Variants in MTMR3 observed in about 807,000 individuals in gnomAD.
MTMR3 encodes the protein myotubularin related protein 3, also known as phosphatidylinositol-3,5-bisphosphate 3-phosphatase MTMR3.
A neutral mutation model predicts 132.4 loss-of-function variants in MTMR3; 32 were observed. The ratio of observed to expected loss-of-function variants is 0.24; its 90% CI spans 0.18 to 0.32. The LOEUF is 0.32. MTMR3 is among the 10% of genes least tolerant of loss of function. The pLI is 1.00. For synonymous variants in MTMR3, 556 were observed against 550.3 expected, an observed-to-expected ratio of 1.01 and a Z score of -0.14; for missense variants, 1,216 against 1,489.6, an observed-to-expected ratio of 0.82 and a Z score of 3.02.
chr22:29,921,591 A>G (rs1324806222), intron 1 of MTMR3, among the ~76,000 whole-genome samples: 1 of 152,070 alleles, frequency 6.6e-6, no homozygotes, highest in Non-Finnish European at 1.5e-5. Context: ...ATACTTTCAT[A>G]TTTGTTGTGC....
chr22:29,969,964 C>T (rs2066500822), intron 2 of MTMR3, among the ~76,000 whole-genome samples: 1 of 152,188 alleles, frequency 6.6e-6, no homozygotes, highest in Admixed American at 6.5e-5. Context: ...TTTTATGCTG[C>T]ACATTGAAGC....
intron 2 of MTMR3, among the ~76,000 whole-genome samples, chr22:29,959,301 A>G (rs746587028): frequency 6.6e-6 from 1 of 152,150 alleles, no homozygotes; most frequent in African/African-American, 2.4e-5. Context: ...TAGGAATCTT[A>G]ATCTTCATTT....
At position 30,007,332 on chromosome 22, in the gene MTMR3, CTGGACCCA is replaced by C; in HGVS notation, c.877+17_877+24del. The C allele has an allele frequency of 6.2e-7, 1 of 1,611,934 alleles. No individual in the cohort carries two copies. Among genetic ancestry groups the C allele is most frequent in the Non-Finnish European group, 8.5e-7 (1 of 1,178,290 alleles). On this transcript the variant is annotated intron_variant, in intron 10 of 19. Transcript: ENST00000401950. Reference sequence around the variant, plus strand: ...GACGTGGAGTTCGGTAAGGTGCTCCCTGGACCCATGGCAATGATTTTTATAGCATCTAA... The same window carrying C: ...GACGTGGAGTTCGGTAAGGTGCTCCCTGGCAATGATTTTTATAGCATCTAA...
chr22:30,007,784 G>T, intron 10 of MTMR3, 117 bp from the exon 11 acceptor site: 1 of 1,236,226 alleles, frequency 8.1e-7, no homozygotes, highest in East Asian at 2.4e-5. Context: ...GTTTTGGTTA[G>T]GGGATTTCAT....
chr22:30,016,453 G>A, intron 14 of MTMR3, 75 bp from the exon 15 acceptor site: 1 of 1,509,256 alleles, frequency 6.6e-7, no homozygotes, highest in East Asian at 2.3e-5. Context: ...GTTAGGATAA[G>A]GTGGCTCAGC....
At chr22:29,991,256 AT>A in intron 6 of MTMR3, 1 of 295,630 alleles carries the variant, frequency 3.4e-6, no homozygotes, top group Non-Finnish European at 6.2e-6. Context: ...CTTAGAAGAG[AT>A]TTCATTAGTC....
Position 30,007,909 on chromosome 22 carries a change from C to T in MTMR3, c.886C>T (p.Leu296=), listed in dbSNP as rs373865530. The T allele has an allele frequency of 1.1e-4, 179 of 1,613,586 alleles. 1 individual carries two copies. Among genetic ancestry groups the T allele is most frequent in the Non-Finnish European group, 1.4e-4 (164 of 1,179,984 alleles). ...TCCCTCTGTGTCCCTAGATTCTTCT[C>T]TGTCAAATGCTTCAGGAGCAGAGAG... is the stretch of plus-strand genomic sequence containing the variant. The part of the protein sequence containing the change: ...DLSDVEFDSS[L]SNASGAESLA... The change falls in exon 11 of 20, where the codon CTG becomes TTG. Residue 296 remains leucine, a synonymous_variant. Transcript: ENST00000401950.
intron 1 of MTMR3, among the ~76,000 whole-genome samples, chr22:29,931,681 G>C (rs528806029): frequency 6.6e-6 from 1 of 152,140 alleles, no homozygotes; most frequent in East Asian, 1.9e-4. Flanking sequence ...CCAAAGTGTT[G>C]GGATTACAGG....
At chr22:30,007,431 C>A in intron 10 of MTMR3, 112 bp downstream of exon 10, 1 of 1,041,920 alleles carries the variant, frequency 9.6e-7, no homozygotes, top group Non-Finnish European at 1.4e-6. Flanking sequence ...AGTGAATGTG[C>A]AGAGCTTCAC....
chr22:30,009,720 A>G (rs1171298808), intron 12 of MTMR3: 1 of 152,368 alleles, frequency 6.6e-6, no homozygotes, highest in East Asian at 1.9e-4. Flanking sequence ...ACCCCCTCCA[A>G]GGGTACTGAT....
rs1300135981 is a variant in MTMR3, at chr22:29,943,148, G to A, written c.-137-13888G>A. On this transcript the variant is annotated intron_variant, in intron 1 of 19. Transcript: ENST00000401950. Reference sequence around the variant, plus strand: ...TGTCATGGCTTCAGCTGGTCCCTCCGTTCGGGGTCCCTGACTTTCCGCAAC... The same window carrying A: ...TGTCATGGCTTCAGCTGGTCCCTCCATTCGGGGTCCCTGACTTTCCGCAAC... Among the ~76,000 whole-genome samples, 7 of 151,920 alleles carry A rather than the reference G, an allele frequency of 4.6e-5. No homozygotes were observed. In the East Asian group the frequency reaches 5.8e-4, roughly 13 times the overall value.
intron 8 of MTMR3, chr22:30,002,039 A>G (rs1027875821): frequency 2.6e-5 from 4 of 152,170 alleles, no homozygotes; most frequent in African/African-American, 4.8e-5. Context: ...TAAAGGCCTT[A>G]TTGCCTTCAC....
At chr22:29,884,661 C>G (rs2064633487) in intron 1 of MTMR3, among the ~76,000 whole-genome samples, 2 of 145,622 alleles carry the variant, frequency 1.4e-5, no homozygotes, top group African/African-American at 5.1e-5. Flanking sequence ...CTGCCAGGTT[C>G]TAGCAATCCT....
At chr22:29,965,664 G>A (rs949955075) in intron 2 of MTMR3, among the ~76,000 whole-genome samples, 1 of 152,146 alleles carries the variant, frequency 6.6e-6, no homozygotes, top group Non-Finnish European at 1.5e-5. Context: ...CAGCCTGAGC[G>A]ATAGAGCGAG....
Position 29,937,556 on chromosome 22 carries a change from A to G in MTMR3, c.-137-19480A>G, listed in dbSNP as rs563967393. 2.6e-5 allele frequency among the ~76,000 whole-genome samples: 4 copies of G among 152,206 alleles called. 1 individual carries two copies. The Middle Eastern group carries it at 0.01, about 388-fold the overall frequency. ...CTCAGCCTCCCGAGTAGCGGGGACT[A>G]TAGGCTACAGGTGCCGCCGCACCCA... On this transcript the variant is annotated intron_variant, in intron 1 of 19. Transcript: ENST00000401950.
At chr22:29,935,742 C>CTT (rs35840801) in intron 1 of MTMR3, among the ~76,000 whole-genome samples, 2,270 of 125,792 alleles carry the variant, frequency 0.018, 85 homozygotes, top group African/African-American at 0.05. Flanking sequence ...TCCATGCCCA[C>CTT]TTTTTTTTTT....
intron 1 of MTMR3, among the ~76,000 whole-genome samples, chr22:29,900,388 A>G (rs529434010): frequency 6.6e-6 from 1 of 152,200 alleles, no homozygotes. Context: ...GTAAAATAAT[A>G]GGAATATAGA....
intron 1 of MTMR3, among the ~76,000 whole-genome samples, chr22:29,934,655 G>A (rs1211199550): frequency 2.0e-5 from 3 of 152,140 alleles, no homozygotes; most frequent in African/African-American, 4.8e-5. Flanking sequence ...GGGCATGCAG[G>A]TTGATCTTGT....
chr22:29,894,900 C>A (rs1277853358), intron 1 of MTMR3, among the ~76,000 whole-genome samples: 1 of 152,004 alleles, frequency 6.6e-6, no homozygotes. Flanking sequence ...TATTATCGGC[C>A]CTTACTTTAT....
Sources: gnomAD v4.1 joint callset for allele counts (sites outside exome capture counted in the v4.1 genomes callset) on GRCh38, gnomAD v4.1.1 for gene constraint, MANE v1.5 for transcripts, NCBI Gene and HGNC (gene_info 2026-07-23, HGNC 2026-07-21) for gene names.